Variants in CHRM3 observed in about 807,000 individuals in gnomAD.
The protein encoded by CHRM3 is muscarinic acetylcholine receptor M3.
CHRM3 carries 11 observed loss-of-function variants against 41.8 expected under a neutral mutation model. The ratio of observed to expected loss-of-function variants is 0.26; its 90% CI spans 0.17 to 0.44. The LOEUF (loss-of-function observed/expected upper bound fraction) is 0.44, where lower values mean the gene tolerates loss of function less well. Among genes scored for constraint, CHRM3 ranks in the 20% least tolerant of loss-of-function variants. CHRM3 has a pLI of 1.00. For missense variants in CHRM3, 571 were observed against 745.4 expected (o/e 0.77, Z 2.72); for synonymous variants, 297 against 301.4 (o/e 0.99, Z 0.15).
intron 5 of CHRM3, among the ~76,000 whole-genome samples, chr1:239,776,003 T>C (rs549769280): frequency 2.2e-4 from 33 of 152,358 alleles, no homozygotes; most frequent in Middle Eastern, 6.8e-3. Flanking sequence ...AAGTCTTACA[T>C]ATTTTAGAAT....
intron 3 of CHRM3, among the ~76,000 whole-genome samples, chr1:239,578,612 A>G (rs1662585522): frequency 6.6e-6 from 1 of 152,198 alleles, no homozygotes; most frequent in Admixed American, 6.5e-5. Context: ...AAGATGACCT[A>G]ACTTGCCCGA....
intron 3 of CHRM3, among the ~76,000 whole-genome samples, chr1:239,604,208 A>C (rs1340640356): frequency 6.6e-6 from 1 of 152,018 alleles, no homozygotes; most frequent in Non-Finnish European, 1.5e-5. Context: ...GATTACTTAC[A>C]CTTTAAGAGT....
chr1:239,690,413 G>A (rs1435570227), intron 5 of CHRM3, among the ~76,000 whole-genome samples: 4 of 151,798 alleles, frequency 2.6e-5, no homozygotes, highest in Non-Finnish European at 5.9e-5. Context: ...TAGTTTTTTA[G>A]TAGAGACGGG....
intron 4 of CHRM3, among the ~76,000 whole-genome samples, chr1:239,677,573 C>T (rs1333224430): frequency 1.3e-5 from 2 of 152,166 alleles, no homozygotes; most frequent in Non-Finnish European, 2.9e-5. Flanking sequence ...AAGCAGAATG[C>T]TGTGTCTTCA....
At chr1:239,621,120 A>G (rs914530972) in intron 3 of CHRM3, among the ~76,000 whole-genome samples, 1 of 152,148 alleles carries the variant, frequency 6.6e-6, no homozygotes, top group African/African-American at 2.4e-5. Context: ...TATATATGAC[A>G]TGGTGATCTG....
chr1:239,407,893 G>A (rs865972411), intron 1 of CHRM3, among the ~76,000 whole-genome samples: 1 of 152,136 alleles, frequency 6.6e-6, no homozygotes, highest in Non-Finnish European at 1.5e-5. Context: ...AGAGGAAGAT[G>A]GAGAAGGGCT....
chr1:239,495,578 C>T (rs1327261776), intron 2 of CHRM3, among the ~76,000 whole-genome samples: 1 of 152,118 alleles, frequency 6.6e-6, no homozygotes, highest in Non-Finnish European at 1.5e-5. Flanking sequence ...GTGGCTTAAG[C>T]ACAGGTAGTT....
chr1:239,842,727 C>T (rs1673920592), intron 6 of CHRM3, among the ~76,000 whole-genome samples: 1 of 152,196 alleles, frequency 6.6e-6, no homozygotes, highest in Admixed American at 6.5e-5. Context: ...CCCCAACATA[C>T]ACACACATGC....
At chr1:239,672,244 G>A (rs1674446109) in intron 4 of CHRM3, among the ~76,000 whole-genome samples, 1 of 152,120 alleles carries the variant, frequency 6.6e-6, no homozygotes, top group South Asian at 2.1e-4. Context: ...ATGGATGAAG[G>A]CGGCTCTGTC....
chr1:239,908,713 C>G lies in CHRM3; in HGVS notation c.1262C>G (p.Pro421Arg). Residue 421 changes from proline (P) to arginine (R), a missense_variant, in exon 7 of 7, where the codon CCA becomes CGA. Around this residue, in one of 5 missense-constraint regions of CHRM3, gnomAD observed 239 missense variants for 239.6 expected, o/e 1.00. Transcript: ENST00000676153. This position sits in a 1 kb window ranked among gnomAD's most constrained non-coding sequence, Gnocchi z 7.2. ...QKSVDDGGSF[P>R]KSFSKLPIQL... is the part of the protein sequence containing the mutation. ...AGCGTGGACGATGGAGGCAGTTTTCCAAAAAGCTTCTCCAAGCTTCCCATC... is the reference window on the plus strand; with the variant it reads ...AGCGTGGACGATGGAGGCAGTTTTCGAAAAAGCTTCTCCAAGCTTCCCATC... 1 of 1,612,988 alleles carries G rather than the reference C, an allele frequency of 6.2e-7. No homozygotes were observed. The highest frequency in any genetic ancestry group is 8.5e-7 in the Non-Finnish European group (1 of 1,179,580).
intron 3 of CHRM3, among the ~76,000 whole-genome samples, chr1:239,558,980 A>G (rs1660624479): frequency 6.6e-6 from 1 of 152,236 alleles, no homozygotes; most frequent in African/African-American, 2.4e-5. Context: ...TACTCCATAA[A>G]TATGGACTAA....
chr1:239,549,495 CA>C (rs66834618), intron 3 of CHRM3, among the ~76,000 whole-genome samples: 48,386 of 106,884 alleles, frequency 0.45, 9,022 homozygotes, highest in Middle Eastern at 0.62. Flanking sequence ...ACTAAAAATA[CA>C]AAAAAAAAAA....
At chr1:239,581,238 C>T (rs2148589982) in intron 3 of CHRM3, among the ~76,000 whole-genome samples, 1 of 152,118 alleles carries the variant, frequency 6.6e-6, no homozygotes, top group East Asian at 1.9e-4. Context: ...ATAGATTTAT[C>T]TATAGATTAT....
chr1:239,887,116 G>A (rs1447964533), intron 6 of CHRM3, among the ~76,000 whole-genome samples: 1 of 152,084 alleles, frequency 6.6e-6, no homozygotes, highest in East Asian at 1.9e-4. Context: ...TGCCAGCAGA[G>A]AGAATCCACT....
At chr1:239,881,989 T>C (rs1289995148) in intron 6 of CHRM3, among the ~76,000 whole-genome samples, 2 of 152,166 alleles carry the variant, frequency 1.3e-5, no homozygotes, top group Non-Finnish European at 2.9e-5. Context: ...CACTGCAACC[T>C]CCTCCTCCCG....
At chr1:239,642,775 C>T (rs1252174985) in intron 4 of CHRM3, among the ~76,000 whole-genome samples, 1 of 152,238 alleles carries the variant, frequency 6.6e-6, no homozygotes, top group Admixed American at 6.5e-5. Context: ...TCGTCAAAGT[C>T]ATTCTCCATC....
At chr1:239,592,421 C>G (rs1014940015) in intron 3 of CHRM3, among the ~76,000 whole-genome samples, 1 of 152,126 alleles carries the variant, frequency 6.6e-6, no homozygotes, top group African/African-American at 2.4e-5. Context: ...AAAACACATG[C>G]CTGTTAATAG....
At chr1:239,549,705 T>C (rs941364468) in intron 3 of CHRM3, among the ~76,000 whole-genome samples, 1 of 150,674 alleles carries the variant, frequency 6.6e-6, no homozygotes, top group Non-Finnish European at 1.5e-5. Context: ...GGAGACTGAT[T>C]AAGTCCAATA....
At chr1:239,461,517 C>T (rs997788871) in intron 1 of CHRM3, among the ~76,000 whole-genome samples, 4 of 151,952 alleles carry the variant, frequency 2.6e-5, no homozygotes, top group Admixed American at 2.6e-4. Flanking sequence ...GGCTCCTTTA[C>T]GTGTATCTTC....
Sources: gnomAD v4.1 joint callset for allele counts (sites outside exome capture counted in the v4.1 genomes callset) on GRCh38, gnomAD v4.1.1 for gene constraint, gnomAD v4.1.1 regional missense constraint, Gnocchi (gnomAD v3.1) non-coding constraint, MANE v1.5 for transcripts, NCBI Gene and HGNC (gene_info 2026-07-23, HGNC 2026-07-21) for gene names.